The following MYOM2 variants were observed in gnomAD, a reference collection of about 807,000 sequenced individuals.
MYOM2 encodes the protein myomesin-2.
A neutral mutation model predicts 187.6 loss-of-function variants in MYOM2; 254 were observed. That is an observed-to-expected ratio of 1.35 (90% CI 1.22 to 1.50). The LOEUF (loss-of-function observed/expected upper bound fraction) is 1.50. Ranked by LOEUF, MYOM2 falls within the 40% of genes most tolerant of loss-of-function variation. MYOM2 has a pLI of 0.00. For synonymous variants in MYOM2, 981 were observed against 753.8 expected, an observed-to-expected ratio of 1.30 and a Z score of -4.94; for missense variants, 2,796 against 1,924.0, an observed-to-expected ratio of 1.45 and a Z score of -8.48.
chr8:2,132,340 G>C (rs754147321), intron 32 of MYOM2, among the ~76,000 whole-genome samples: 1 of 152,164 alleles, frequency 6.6e-6, no homozygotes, highest in Non-Finnish European at 1.5e-5. Context: ...AAAATGCTGA[G>C]TAATACATCA....
At chr8:2,124,078 T>G in intron 30 of MYOM2, 101 bp from the exon 31 acceptor site, 2 of 1,186,102 alleles carry the variant, frequency 1.7e-6, no homozygotes, top group Admixed American at 4.4e-5. Context: ...ATTTTTCAAC[T>G]GAACATCACA....
At chr8:2,097,422 T>G (rs766742889) in intron 18 of MYOM2, among the ~76,000 whole-genome samples, 1 of 152,228 alleles carries the variant, frequency 6.6e-6, no homozygotes, top group Non-Finnish European at 1.5e-5. Flanking sequence ...ATGTTTGCAT[T>G]ATGGAATGAT....
intron 25 of MYOM2, among the ~76,000 whole-genome samples, chr8:2,109,765 T>TA (rs1229488414): frequency 2.0e-5 from 3 of 152,218 alleles, no homozygotes; most frequent in Admixed American, 2.0e-4. Context: ...CTGTTGGAAT[T>TA]AAAAATGACT....
At chr8:2,130,858 C>T (rs1288347413) in intron 32 of MYOM2, among the ~76,000 whole-genome samples, 5 of 152,226 alleles carry the variant, frequency 3.3e-5, no homozygotes, top group Non-Finnish European at 1.5e-5. Flanking sequence ...TTTTGTGGGA[C>T]AATGAGTAAA....
intron 25 of MYOM2, among the ~76,000 whole-genome samples, chr8:2,110,369 C>T (rs7003983): frequency 0.17 from 25,945 of 152,076 alleles, 2,329 homozygotes; most frequent in East Asian, 0.26. Context: ...GTCCAGACAC[C>T]GCCTCGGTTC....
At chr8:2,066,804 A>G (rs1368839538) in intron 6 of MYOM2, among the ~76,000 whole-genome samples, 1 of 152,168 alleles carries the variant, frequency 6.6e-6, no homozygotes, top group African/African-American at 2.4e-5. Context: ...TATGTGTTTT[A>G]CACACACTGT....
At chr8:2,121,969 G>A (rs1260961535) in intron 28 of MYOM2, among the ~76,000 whole-genome samples, 1 of 152,134 alleles carries the variant, frequency 6.6e-6, no homozygotes, top group African/African-American at 2.4e-5. Context: ...TTATTTTGGG[G>A]AATTAGAACC....
At chr8:2,081,228 C>T (rs1819615714) in intron 13 of MYOM2, among the ~76,000 whole-genome samples, 1 of 84,936 alleles carries the variant, frequency 1.2e-5, no homozygotes, top group South Asian at 4.9e-4. Flanking sequence ...TGGGTTCTGG[C>T]CTGCGGGAGG....
intron 6 of MYOM2, among the ~76,000 whole-genome samples, chr8:2,062,011 T>C (rs1187613768): frequency 2.0e-5 from 3 of 151,912 alleles, no homozygotes; most frequent in African/African-American, 7.3e-5. Flanking sequence ...TGGTGTGAAA[T>C]AGATGCCAGG....
intron 15 of MYOM2, among the ~76,000 whole-genome samples, chr8:2,090,994 A>G (rs1327511155): frequency 7.8e-6 from 1 of 128,642 alleles, no homozygotes; most frequent in Non-Finnish European, 1.6e-5. Context: ...CAGTACTGGG[A>G]TTGCTAGGTT....
chr8:2,132,649 CCATTCTAGCT>C (rs1797915993), intron 32 of MYOM2, among the ~76,000 whole-genome samples: 1 of 152,004 alleles, frequency 6.6e-6, no homozygotes. Context: ...AGCAGTGGTG[CCATTCTAGCT>C]CACTGTAGCC....
chr8:2,079,506 G>T (rs1819547486), intron 12 of MYOM2, 54 bp from the exon 13 acceptor site: 1 of 1,578,134 alleles, frequency 6.3e-7, no homozygotes, highest in African/African-American at 1.3e-5. Context: ...GGGAAAACGG[G>T]CTTTTGGGGA....
intron 30 of MYOM2, 31 bp from the exon 31 acceptor site, chr8:2,124,145 TGTC>T (rs1797552978): frequency 6.3e-7 from 1 of 1,596,744 alleles, no homozygotes; most frequent in African/African-American, 1.3e-5. Context: ...TAAAGTTACA[TGTC>T]GTAATGGTGC....
intron 13 of MYOM2, among the ~76,000 whole-genome samples, chr8:2,080,173 CA>C (rs1344609126): frequency 6.6e-6 from 1 of 152,104 alleles, no homozygotes; most frequent in Non-Finnish European, 1.5e-5. Flanking sequence ...AACTAGAAAT[CA>C]AAAGGTTTTA....
intron 32 of MYOM2, among the ~76,000 whole-genome samples, chr8:2,137,324 G>C (rs902682739): frequency 1.3e-5 from 2 of 151,888 alleles, no homozygotes; most frequent in Non-Finnish European, 1.5e-5. Flanking sequence ...GCGACAGCAC[G>C]AACAGAGCAT....
At chr8:2,092,924 C>G (rs910670878) in intron 16 of MYOM2, among the ~76,000 whole-genome samples, 1 of 152,036 alleles carries the variant, frequency 6.6e-6, no homozygotes, top group East Asian at 1.9e-4. Flanking sequence ...TTCCCCAGCA[C>G]CTGATGGAGA....
Position 2,129,151 on chromosome 8 carries a change from T to A in MYOM2, c.3719T>A (p.Val1240Glu). ...GGGAAATCTGCTTCGCCACTGAAGG[T>A]ACTCTGCACCCCAGAAGGAATACGA... ...VCGKSASPLK[V>E]LCTPEGIRLQ... Residue 1240 changes from valine (V) to glutamate (E), a missense_variant, in exon 32 of 37, where the codon GTA (valine) becomes GAA (glutamate). By Grantham distance (121) the Val-to-Glu change is moderately radical (BLOSUM62 -2). Coordinates refer to ENST00000262113, the MANE Select transcript of MYOM2 (RefSeq NM_003970.4). 2 of 1,609,974 alleles carry A rather than the reference T, an allele frequency of 1.2e-6. No individual in the cohort carries two copies. The highest frequency in any genetic ancestry group is 2.2e-5 in the South Asian group (2 of 90,998).
Position 2,143,383 on chromosome 8 carries a change from G to A in MYOM2, c.4025-18G>A, listed in dbSNP as rs368918456. ...GTCCCGCAGATGTTTTCCTAACCAA[G>A]GTGCTTTCCCGTTGCAGATCGTGGC... On this transcript the variant is annotated intron_variant, in intron 35 of 36. Transcript: ENST00000262113. 13 of 1,614,088 alleles carry A rather than the reference G, an allele frequency of 8.1e-6. No individual in the cohort carries two copies. Among genetic ancestry groups the A allele is most frequent in the Non-Finnish European group, 8.5e-7 (1 of 1,180,058 alleles).
Position 2,117,908 on chromosome 8 carries a change from C to T in MYOM2, c.3409C>T (p.His1137Tyr), listed in dbSNP as rs374634251. 8.1e-6 allele frequency: 13 copies of T among 1,613,050 alleles called. No homozygotes were observed. In the African/African-American group the frequency reaches 1.7e-4, roughly 22 times the overall value. The change falls in exon 28 of 37, where the codon CAC (histidine) becomes TAC (tyrosine). Residue 1137 changes from histidine (H) to tyrosine (Y), a missense_variant. By Grantham distance (83) the His-to-Tyr change is moderately conservative. Transcript: ENST00000262113. ...AGGCCCTCATTTTGCTGAGTACTTG[C>T]ACTGGGATGTCACGGAAGAATGTGA... ...KQGPHFAEYLHWDVTEECEVR... is the reference protein window; with the variant it reads ...KQGPHFAEYLYWDVTEECEVR...
Sources: allele counts gnomAD v4.1 joint callset (sites outside exome capture counted in the v4.1 genomes callset), GRCh38; gene constraint gnomAD v4.1.1; transcripts MANE v1.5; gene names NCBI Gene and HGNC (gene_info 2026-07-23, HGNC 2026-07-21).